Variants in ATP11A observed in about 807,000 individuals in gnomAD.
ATP11A encodes phospholipid-transporting ATPase IH.
Under a neutral mutation model 154.4 loss-of-function variants are expected in ATP11A, and 81 were observed. The ratio of observed to expected loss-of-function variants is 0.52; its 90% CI spans 0.44 to 0.63. The LOEUF is 0.63. ATP11A is among the 30% of genes least tolerant of loss of function. The pLI is 0.00. For missense variants in ATP11A, 1,316 were observed against 1,474.3 expected (o/e 0.89, Z 1.76); for synonymous variants, 623 against 585.9 (o/e 1.06, Z -0.91).
At chr13:112,695,252 A>C (rs1159160117) in intron 1 of ATP11A, among the ~76,000 whole-genome samples, 1 of 152,240 alleles carries the variant, frequency 6.6e-6, no homozygotes, top group Non-Finnish European at 1.5e-5. Flanking sequence ...CCTGAGGCAT[A>C]GAATCCAAGA....
intron 18 of ATP11A, 121 bp from the exon 19 acceptor site, chr13:112,854,158 T>C: frequency 5.5e-6 from 7 of 1,284,084 alleles, no homozygotes; most frequent in Non-Finnish European, 1.1e-6. Flanking sequence ...CAGTGTGGAG[T>C]GTTTTGATTT....
chr13:112,841,223 G>A (rs919866679), intron 16 of ATP11A, among the ~76,000 whole-genome samples: 8 of 147,110 alleles, frequency 5.4e-5, no homozygotes, highest in Non-Finnish European at 1.0e-4. Flanking sequence ...ACGTGGCTTC[G>A]CGGACCACGG....
intron 24 of ATP11A, among the ~76,000 whole-genome samples, chr13:112,860,985 A>G (rs2080084768): frequency 1.3e-5 from 2 of 152,186 alleles, no homozygotes; most frequent in Non-Finnish European, 2.9e-5. Context: ...AGACTGGGTA[A>G]TTTATGAAGG....
chr13:112,859,295 G>A lies in ATP11A; in HGVS notation c.2668-98G>A, dbSNP rs1190129461. The A allele has an allele frequency of 4.4e-5, 41 of 936,470 alleles. No homozygotes were observed. In the Middle Eastern group the frequency reaches 6.3e-4, roughly 14 times the overall value. 58.0% of individuals were successfully genotyped at this position (936,470 alleles called of 1,614,324 possible). A position where few individuals can be genotyped will look rare whatever the true frequency, so the allele number is the denominator to read the frequency against. On this transcript the variant is annotated intron_variant, in intron 22 of 29. Coordinates refer to ENST00000375645, the MANE Select transcript of ATP11A (RefSeq NM_015205.3). The surrounding 1 kb of genome is among the most constrained non-coding windows in gnomAD (Gnocchi z 4.3). ...CTGTTCTGCCGCACGCTGGGTGCACGTGGATCCCTCCTCCCATGTGGGGTG... is the reference window on the plus strand; with the variant it reads ...CTGTTCTGCCGCACGCTGGGTGCACATGGATCCCTCCTCCCATGTGGGGTG...
intron 1 of ATP11A, among the ~76,000 whole-genome samples, chr13:112,780,512 G>A (rs2077471747): frequency 1.3e-5 from 2 of 152,174 alleles, no homozygotes; most frequent in Non-Finnish European, 1.5e-5. Flanking sequence ...CTTCCTTTCC[G>A]TGTATCCCTT....
chr13:112,803,696 C>G (rs2078199319), intron 2 of ATP11A, among the ~76,000 whole-genome samples: 1 of 134,438 alleles, frequency 7.4e-6, no homozygotes, highest in Non-Finnish European at 1.6e-5. Context: ...TCCCCTCCCT[C>G]CCCTCCTTCT....
rs115563482 is a variant in ATP11A at position 112,718,133 on chromosome 13, A to G, written c.39+27678A>G. ...CCGCCCCCTGCCCCCCACCCCGCCAAGGCGTGAACAGGAGTTGTCTCTCCC... is the reference window on the plus strand; with the variant it reads ...CCGCCCCCTGCCCCCCACCCCGCCAGGGCGTGAACAGGAGTTGTCTCTCCC... On this transcript the variant is annotated intron_variant, in intron 1 of 29. Coordinates refer to ENST00000375645, the MANE Select transcript of ATP11A (RefSeq NM_015205.3). 6.5e-3 allele frequency among the ~76,000 whole-genome samples: 993 copies of G among 152,236 alleles called. 12 individuals are homozygous for G. Among genetic ancestry groups the G allele is most frequent in the African/African-American group, 0.023 (957 of 41,534 alleles).
intron 2 of ATP11A, among the ~76,000 whole-genome samples, chr13:112,795,104 C>T (rs772797829): frequency 4.7e-5 from 7 of 150,290 alleles, no homozygotes; most frequent in South Asian, 2.1e-4. Flanking sequence ...ATTAGCCGGG[C>T]ATCTTGGGGG....
At chr13:112,739,208 T>C (rs1891290883) in intron 1 of ATP11A, among the ~76,000 whole-genome samples, 1 of 152,152 alleles carries the variant, frequency 6.6e-6, no homozygotes, top group South Asian at 2.1e-4. Context: ...GGAGAGAAGA[T>C]TGGCAGAGAG....
intron 1 of ATP11A, among the ~76,000 whole-genome samples, chr13:112,772,019 G>A (rs1425954238): frequency 1.3e-5 from 2 of 152,202 alleles, no homozygotes; most frequent in South Asian, 2.1e-4. Context: ...AAGTGACTGC[G>A]AGGCGGCAGC....
At chr13:112,824,759 G>A in intron 10 of ATP11A, among the ~76,000 whole-genome samples, 1 of 152,112 alleles carries the variant, frequency 6.6e-6, no homozygotes, top group East Asian at 1.9e-4. Flanking sequence ...TTTAACTCTG[G>A]GATTTGGTCA....
rs755682886 is a variant in ATP11A at position 112,745,761 on chromosome 13, A to T, written c.40-39374A>T. 2.0e-5 allele frequency: 3 copies of T among 152,296 alleles called. No homozygotes were observed. The South Asian group carries it at 6.2e-4, about 32-fold the overall frequency. 9.4% of individuals were successfully genotyped at this position (152,296 alleles called of 1,614,324 possible). A position where few individuals can be genotyped will look rare whatever the true frequency, so the allele number is the denominator to read the frequency against. Reference sequence around the variant, plus strand: ...ATTGTTATGTTTTAAATAATTTTCTAAAGTTTTGAATTGTAAAAAAAGCAT... The same window carrying T: ...ATTGTTATGTTTTAAATAATTTTCTTAAGTTTTGAATTGTAAAAAAAGCAT... On this transcript the variant is annotated intron_variant, in intron 1 of 29. Coordinates refer to ENST00000375645, the MANE Select transcript of ATP11A (RefSeq NM_015205.3).
intron 1 of ATP11A, among the ~76,000 whole-genome samples, chr13:112,739,385 T>G (rs921985952): frequency 6.6e-6 from 1 of 152,238 alleles, no homozygotes; most frequent in Non-Finnish European, 1.5e-5. Flanking sequence ...ATTATTTGCA[T>G]TTATTTACAT....
At chr13:112,798,005 G>A (rs1172242509) in intron 2 of ATP11A, among the ~76,000 whole-genome samples, 3 of 152,218 alleles carry the variant, frequency 2.0e-5, no homozygotes, top group Non-Finnish European at 2.9e-5. Flanking sequence ...CTGCTTCCAA[G>A]ATGGCTCCTT....
chr13:112,833,033 G>T lies in ATP11A; in HGVS notation c.1559+10G>T. ...TCGAAGGTGTCCAGAGGTACGTCGC[G>T]GGCCAAGGGTCTGCCTGGGTTTCCT... On this transcript the variant is annotated intron_variant, in intron 14 of 29. Transcript: ENST00000375645. 6.2e-7 allele frequency: 1 copy of T among 1,606,052 alleles called. No individual in the cohort carries two copies. The highest frequency in any genetic ancestry group is 8.5e-7 in the Non-Finnish European group (1 of 1,175,390).
At chr13:112,784,846 C>T (rs1232200521) in intron 1 of ATP11A, among the ~76,000 whole-genome samples, 2 of 152,202 alleles carry the variant, frequency 1.3e-5, no homozygotes, top group Admixed American at 6.5e-5. Flanking sequence ...ATGTACACGC[C>T]CTGAGCTGTT....
chr13:112,871,921 C>T (rs2080534981), intron 26 of ATP11A, 121 bp downstream of exon 26: 4 of 1,122,840 alleles, frequency 3.6e-6, no homozygotes, highest in East Asian at 2.4e-5. Context: ...CACTCTCCAC[C>T]CAGCCTTGGC....
chr13:112,787,587 G>T (rs182099482), intron 2 of ATP11A, among the ~76,000 whole-genome samples: 5,145 of 77,992 alleles, frequency 0.066, 996 homozygotes, highest in Admixed American at 0.14. Context: ...AATTGACACC[G>T]GGTGTCCTGA....
At position 112,860,178 on chromosome 13, in the gene ATP11A, C is replaced by T. The variant is rs768883797; in HGVS notation, c.2728-109C>T. The T allele has an allele frequency of 2.6e-4, 324 of 1,270,438 alleles. 1 individual carries two copies. Among genetic ancestry groups the T allele is most frequent in the Non-Finnish European group, 2.3e-4 (214 of 915,206 alleles). The allele number at this position is 1,270,438 out of a possible 1,614,324, so 78.7% of individuals were successfully genotyped here. ...GTTTATATTGTTAAGCTTTGAAAAG[C>T]GCTCTGGTCTTTCTATGCATTTCAG... On this transcript the variant is annotated intron_variant, in intron 23 of 29. Coordinates refer to ENST00000375645, the MANE Select transcript of ATP11A (RefSeq NM_015205.3).
Sources: allele counts gnomAD v4.1 joint callset (sites outside exome capture counted in the v4.1 genomes callset), GRCh38; gene constraint gnomAD v4.1.1; non-coding constraint Gnocchi (gnomAD v3.1); transcripts MANE v1.5; gene names NCBI Gene and HGNC (gene_info 2026-07-23, HGNC 2026-07-21).